The following SAE1 variants were observed in gnomAD, a reference collection of about 807,000 sequenced individuals.
The protein encoded by SAE1 is SUMO-activating enzyme subunit 1.
In SAE1, 11 loss-of-function variants were observed where a neutral mutation model predicts 40.6. The observed-to-expected ratio is 0.27, with a 90% confidence interval of 0.17 to 0.45. SAE1 has a LOEUF of 0.45. Among genes scored for constraint, SAE1 ranks in the 20% least tolerant of loss-of-function variants. The probability of loss-of-function intolerance (pLI) is 1.00; values close to 1 mark genes in which losing one functional copy is unlikely to be tolerated. For synonymous variants in SAE1, 155 were observed against 154.3 expected (o/e 1.00, Z -0.03); for missense variants, 373 against 427.3 (o/e 0.87, Z 1.12).
intron 6 of SAE1, among the ~76,000 whole-genome samples, chr19:47,171,252 TG>T (rs990566219): frequency 6.6e-6 from 1 of 151,502 alleles, no homozygotes; most frequent in Non-Finnish European, 1.5e-5. Flanking sequence ...TGATTACAGG[TG>T]TGAGCCACCG....
At chr19:47,151,532 C>T (rs1187488635) in intron 3 of SAE1, among the ~76,000 whole-genome samples, 1 of 151,900 alleles carries the variant, frequency 6.6e-6, no homozygotes, top group South Asian at 2.1e-4. Context: ...AGTGCAGTGG[C>T]ATGATCTTGG....
intron 3 of SAE1, among the ~76,000 whole-genome samples, chr19:47,151,422 A>G (rs1001202875): frequency 7.9e-5 from 12 of 151,878 alleles, no homozygotes. Flanking sequence ...AAGTGGTGGG[A>G]TTACAGGTGT....
chr19:47,154,154 G>A (rs920036762), intron 4 of SAE1, among the ~76,000 whole-genome samples: 2 of 152,036 alleles, frequency 1.3e-5, no homozygotes, highest in East Asian at 1.9e-4. Flanking sequence ...GCCATGGCAC[G>A]ATCTTGGCTC....
chr19:47,192,700 C>T (rs146987411), intron 6 of SAE1, among the ~76,000 whole-genome samples: 115 of 151,940 alleles, frequency 7.6e-4, no homozygotes, highest in African/African-American at 2.3e-3. Context: ...ACCACACTTT[C>T]GGCTAATTTT....
chr19:47,189,926 G>C (rs1296072227), intron 6 of SAE1, among the ~76,000 whole-genome samples: 1 of 152,186 alleles, frequency 6.6e-6, no homozygotes, highest in African/African-American at 2.4e-5. Flanking sequence ...CTAACCTGAT[G>C]TTATGAACTG....
At chr19:47,202,023 C>G (rs908216402) in intron 7 of SAE1, among the ~76,000 whole-genome samples, 1 of 152,042 alleles carries the variant, frequency 6.6e-6, no homozygotes, top group Non-Finnish European at 1.5e-5. Flanking sequence ...ATGTGCTGGT[C>G]CTGGCCAGGG....
chr19:47,201,621 A>C (rs2058655992), intron 7 of SAE1, among the ~76,000 whole-genome samples: 1 of 148,200 alleles, frequency 6.7e-6, no homozygotes, highest in African/African-American at 2.5e-5. Flanking sequence ...ATGAGATTCT[A>C]CCAGCAATGG....
Position 47,152,187 on chromosome 19 carries a change from C to T in SAE1, c.385-711C>T, listed in dbSNP as rs1000915176. ...TTGACCATGATCACAAAGCTTCTCC[C>T]GAAAAGATGGTATTTTGTGCAGTAG... is the stretch of plus-strand genomic sequence containing the variant. On this transcript the variant is annotated intron_variant, in intron 3 of 8. Transcript: ENST00000270225. 1.3e-4 allele frequency among the ~76,000 whole-genome samples: 20 copies of T among 152,112 alleles called. No homozygotes were observed. In the South Asian group the frequency reaches 2.5e-3, roughly 19 times the overall value.
intron 8 of SAE1, among the ~76,000 whole-genome samples, chr19:47,208,824 T>C (rs1322832397): frequency 6.6e-6 from 1 of 152,246 alleles, no homozygotes; most frequent in Non-Finnish European, 1.5e-5. Context: ...CCCAAAGTGC[T>C]GGGATTACAG....
intron 7 of SAE1, among the ~76,000 whole-genome samples, chr19:47,199,898 G>A (rs544242834): frequency 6.6e-6 from 1 of 151,736 alleles, no homozygotes; most frequent in African/African-American, 2.4e-5. Context: ...TGTTACAAAG[G>A]CACCTTGTAA....
chr19:47,162,408 G>A (rs947396339), intron 5 of SAE1, among the ~76,000 whole-genome samples: 5 of 152,090 alleles, frequency 3.3e-5, no homozygotes, highest in Non-Finnish European at 5.9e-5. Context: ...ACCAGACCCC[G>A]TTAAGTTACT....
At chr19:47,152,016 G>C (rs941760681) in intron 3 of SAE1, among the ~76,000 whole-genome samples, 2 of 152,186 alleles carry the variant, frequency 1.3e-5, no homozygotes, top group African/African-American at 4.8e-5. Context: ...TCCTTGGGTG[G>C]CTGCATTCTT....
chr19:47,182,496 T>TGTGTGTGTGCGCGCGCGC (rs143321323), intron 6 of SAE1, among the ~76,000 whole-genome samples: 2 of 145,938 alleles, frequency 1.4e-5, no homozygotes, highest in South Asian at 2.2e-4. Flanking sequence ...TGTGTGTGTG[T>TGTGTGTGTGCGCGCGCGC]GCGCGCACGC....
intron 2 of SAE1, among the ~76,000 whole-genome samples, chr19:47,147,240 C>T (rs1262932520): frequency 9.2e-6 from 1 of 108,590 alleles, no homozygotes; most frequent in African/African-American, 3.6e-5. Context: ...GGCAGTCTCA[C>T]TGTTACCCTT....
At chr19:47,136,391 G>A (rs1458116947) in intron 1 of SAE1, among the ~76,000 whole-genome samples, 1 of 151,862 alleles carries the variant, frequency 6.6e-6, no homozygotes, top group East Asian at 1.9e-4. Flanking sequence ...GCCCTCCTTG[G>A]CCCCCCAAAG....
intron 1 of SAE1, chr19:47,142,443 A>G (rs2058228089): frequency 6.6e-6 from 1 of 150,906 alleles, no homozygotes; most frequent in Admixed American, 6.6e-5. Flanking sequence ...TCATGCCACC[A>G]TGTGTTTTGC....
chr19:47,182,304 G>A (rs568846280), intron 6 of SAE1, among the ~76,000 whole-genome samples: 1 of 152,200 alleles, frequency 6.6e-6, no homozygotes, highest in Admixed American at 6.6e-5. Flanking sequence ...ACATTCCCCA[G>A]TGGGTTTTTG....
intron 6 of SAE1, among the ~76,000 whole-genome samples, chr19:47,196,292 C>CCCAAAGTG (rs1263235444): frequency 6.9e-6 from 1 of 145,044 alleles, no homozygotes; most frequent in Non-Finnish European, 1.5e-5. Context: ...ACCTCGGCCT[C>CCCAAAGTG]CCAAAGTGCT....
chr19:47,196,954 G>A (rs1178701982), intron 6 of SAE1, among the ~76,000 whole-genome samples: 9 of 152,026 alleles, frequency 5.9e-5, no homozygotes, highest in Admixed American at 2.6e-4. Flanking sequence ...AGGCCGAGGC[G>A]GGCGGATCAC....
Sources: gnomAD v4.1 joint callset for allele counts (sites outside exome capture counted in the v4.1 genomes callset) on GRCh38, gnomAD v4.1.1 for gene constraint, MANE v1.5 for transcripts, NCBI Gene and HGNC (gene_info 2026-07-23, HGNC 2026-07-21) for gene names.